CACNA1A: variants seen among roughly 807,000 people sequenced by gnomAD.
CACNA1A encodes calcium voltage-gated channel subunit alpha1 A, also known as voltage-dependent P/Q-type calcium channel subunit alpha-1A.
Under a neutral mutation model 262.4 loss-of-function variants are expected in CACNA1A, and 57 were observed. The observed-to-expected ratio is 0.22, with a 90% CI of 0.18 to 0.27. The LOEUF is 0.27. Among genes scored for constraint, CACNA1A ranks in the 10% least tolerant of loss-of-function variants. The pLI is 1.00. For missense variants in CACNA1A, 2,526 were observed against 3,562.8 expected (o/e 0.71, Z 7.41); for synonymous variants, 1,431 against 1,419.3 (o/e 1.01, Z -0.18).
chr19:13,249,376 T>C (rs571785553), intron 30 of CACNA1A, among the ~76,000 whole-genome samples: 84 of 152,150 alleles, frequency 5.5e-4, no homozygotes, highest in Non-Finnish European at 9.4e-4. Context: ...TTTATTTTGA[T>C]ACAGGGTCTT....
At chr19:13,481,121 T>G (rs920475216) in intron 1 of CACNA1A, among the ~76,000 whole-genome samples, 1 of 152,152 alleles carries the variant, frequency 6.6e-6, no homozygotes, top group Non-Finnish European at 1.5e-5. Flanking sequence ...GCTAAATTGA[T>G]GCAAGCGAGG....
rs753798870 is a variant in CACNA1A, at chr19:13,208,820, C to T, written c.6716G>A (p.Arg2239Gln). 1.2e-5 allele frequency: 19 copies of T among 1,523,830 alleles called. No homozygotes were observed. The highest frequency in any genetic ancestry group is 7.8e-5 in the Admixed American group (4 of 51,266). 94.4% of individuals were successfully genotyped at this position (1,523,830 alleles called of 1,614,324 possible). A position where few individuals can be genotyped will look rare whatever the true frequency, so the allele number is the denominator to read the frequency against. Residue 2239 changes from arginine to glutamine, a missense_variant, in exon 46 of 47, where the codon CGG becomes CAG. Around this residue, in one of 17 missense-constraint regions of CACNA1A, gnomAD observed 929 missense variants for 868.1 expected, o/e 1.07. Coordinates refer to ENST00000360228, the MANE Select transcript of CACNA1A (RefSeq NM_001127222.2). ...AQERPDHGRA[R>Q]ARDQRWSRSP... ...GCGGGACCAGCGCTGGTCCCGAGCC[C>T]GTGCCCGGCCGTGGTCCGGCCGTTC...
Position 13,207,796 on chromosome 19 carries a change from G to A in CACNA1A, c.7038C>T (p.Ala2346=). The A allele has an allele frequency of 2.1e-6, 3 of 1,403,846 alleles. No homozygotes were observed. The highest frequency in any genetic ancestry group is 2.8e-6 in the Non-Finnish European group (3 of 1,087,190). 87.0% of individuals were successfully genotyped at this position (1,403,846 alleles called of 1,614,324 possible). A position where few individuals can be genotyped will look rare whatever the true frequency, so the allele number is the denominator to read the frequency against. ...GCGGCCGATCTCCGGCCAGAGGCTC[G>A]GCCGTGGGGCCTGGGTACCTCCGAG... ...SGPRRYPGPT[A]EPLAGDRPPT... is the part of the protein sequence containing the mutation. The change falls in exon 47 of 47, where the codon GCC becomes GCT. Residue 2346 remains alanine, a synonymous_variant. Transcript: ENST00000360228. The surrounding 1 kb of genome is among the most constrained non-coding windows in gnomAD (Gnocchi z 5.7).
intron 3 of CACNA1A, among the ~76,000 whole-genome samples, chr19:13,419,954 C>T (rs1428727007): frequency 6.6e-6 from 1 of 151,662 alleles, no homozygotes; most frequent in Non-Finnish European, 1.5e-5. Flanking sequence ...GGTATGGTGG[C>T]GGACACCTGT....
At chr19:13,354,883 T>C (rs982259538) in intron 6 of CACNA1A, among the ~76,000 whole-genome samples, 1 of 117,358 alleles carries the variant, frequency 8.5e-6, no homozygotes, top group African/African-American at 3.1e-5. Flanking sequence ...TTTTTTTTTT[T>C]TTTTTTTTTG....
At chr19:13,493,580 T>G (rs1013643232) in intron 1 of CACNA1A, among the ~76,000 whole-genome samples, 2 of 152,258 alleles carry the variant, frequency 1.3e-5, no homozygotes, top group Non-Finnish European at 2.9e-5. Context: ...CTCTGTTCCT[T>G]GTCATCAACA....
intron 3 of CACNA1A, among the ~76,000 whole-genome samples, chr19:13,422,099 C>A (rs923533447): frequency 5.9e-5 from 9 of 152,086 alleles, no homozygotes; most frequent in African/African-American, 2.2e-4. Flanking sequence ...GATGGGAGGA[C>A]TGCTTGAGCC....
chr19:13,482,173 C>T (rs1219872125), intron 1 of CACNA1A, among the ~76,000 whole-genome samples: 2 of 152,148 alleles, frequency 1.3e-5, no homozygotes, highest in African/African-American at 4.8e-5. Context: ...ACCACCACTG[C>T]TACCACCAAT....
At chr19:13,357,848 T>C (rs889853414) in intron 6 of CACNA1A, among the ~76,000 whole-genome samples, 1 of 151,728 alleles carries the variant, frequency 6.6e-6, no homozygotes, top group African/African-American at 2.4e-5. Flanking sequence ...TATAAAATTG[T>C]TCTTAAAAAT....
In CACNA1A at chr19:13,207,787, C is replaced by T; in HGVS notation, c.7047G>A (p.Leu2349=). 7.2e-7 allele frequency: 1 copy of T among 1,395,628 alleles called. No individual in the cohort carries two copies. The highest frequency in any genetic ancestry group is 1.6e-5 in the South Asian group (1 of 62,392). The allele number at this position is 1,395,628 out of a possible 1,614,324, so 86.5% of individuals were successfully genotyped here. A position where few individuals can be genotyped will look rare whatever the true frequency, so the allele number is the denominator to read the frequency against. The change falls in exon 47 of 47, where the codon CTG becomes CTA. Residue 2349 remains leucine, a synonymous_variant. Transcript: ENST00000360228. This position sits in a 1 kb window ranked among gnomAD's most constrained non-coding sequence, Gnocchi z 5.7. ...CCCCCGTGGGCGGCCGATCTCCGGC[C>T]AGAGGCTCGGCCGTGGGGCCTGGGT... ...RRYPGPTAEP[L]AGDRPPTGGH...
At position 13,234,955 on chromosome 19, in the gene CACNA1A, G is replaced by A. The variant is rs2144646626; in HGVS notation, c.5215C>T (p.Arg1739Trp). 6.2e-7 allele frequency: 1 copy of A among 1,613,718 alleles called. No individual in the cohort carries two copies. Among genetic ancestry groups the A allele is most frequent in the Non-Finnish European group, 8.5e-7 (1 of 1,179,632 alleles). The change falls in exon 34 of 47, where the codon CGG (arginine) becomes TGG (tryptophan). Residue 1739 changes from arginine to tryptophan, a missense_variant. Arg to Trp is a moderately radical substitution (Grantham distance 101). Transcript: ENST00000360228. ...AGCATGAGGGCCTGGAAGAAGGTCC[G>A]GAAGTTATTGTGCTCAGTGATTTGG... ...EFQITEHNNF[R>W]TFFQALMLLF...
intron 24 of CACNA1A, chr19:13,263,080 T>C (rs771499288): frequency 7.9e-6 from 4 of 504,582 alleles, no homozygotes; most frequent in Non-Finnish European, 1.4e-5. Context: ...CCCTTTGCCA[T>C]CTGGCTGGGC....
intron 1 of CACNA1A, among the ~76,000 whole-genome samples, chr19:13,483,486 C>T (rs560611305): frequency 2.0e-5 from 3 of 152,316 alleles, no homozygotes; most frequent in African/African-American, 7.2e-5. Flanking sequence ...TCTCCACCTC[C>T]CATTTCCCCA....
intron 22 of CACNA1A, among the ~76,000 whole-genome samples, chr19:13,280,182 T>C (rs2057255619): frequency 6.7e-6 from 1 of 148,550 alleles, no homozygotes; most frequent in South Asian, 2.2e-4. Flanking sequence ...CCTGGAGGAA[T>C]TCTTATTTAT....
chr19:13,232,777 A>G (rs2055715971), intron 34 of CACNA1A, among the ~76,000 whole-genome samples: 1 of 140,924 alleles, frequency 7.1e-6, no homozygotes, highest in Non-Finnish European at 1.5e-5. Context: ...GGCCGGGTGC[A>G]GTGGCTCATG....
At chr19:13,229,737 T>C (rs2055596408) in intron 36 of CACNA1A, 1 of 189,874 alleles carries the variant, frequency 5.3e-6, no homozygotes, top group South Asian at 1.7e-4. Flanking sequence ...ATGCTGTTGG[T>C]TTTCTCCCTG....
chr19:13,321,680 A>G (rs1381902922), intron 10 of CACNA1A, among the ~76,000 whole-genome samples: 1 of 151,288 alleles, frequency 6.6e-6, no homozygotes, highest in Non-Finnish European at 1.5e-5. Flanking sequence ...ATATCTAAAC[A>G]TAGAAAAGGT....
rs775890060 is a variant in CACNA1A at position 13,230,066 on chromosome 19, C to T, written c.5528+16G>A. 2.2e-5 allele frequency: 35 copies of T among 1,610,532 alleles called. No individual in the cohort carries two copies. The highest frequency in any genetic ancestry group is 3.3e-5 in the Admixed American group (2 of 59,824). ...AGGTGAGTATTGTGGCTGGAGGATT[C>T]GGGGTGACTTCTTACCAAGCTGCGG... On this transcript the variant is annotated intron_variant, in intron 36 of 46. Transcript: ENST00000360228.
chr19:13,479,136 C>T (rs910314960), intron 1 of CACNA1A, among the ~76,000 whole-genome samples: 3 of 152,152 alleles, frequency 2.0e-5, no homozygotes, highest in Admixed American at 6.5e-5. Flanking sequence ...ATCGTGCCAC[C>T]ACACTCCAGC....
Sources: allele counts gnomAD v4.1 joint callset (sites outside exome capture counted in the v4.1 genomes callset), GRCh38; gene constraint gnomAD v4.1.1; regional missense constraint gnomAD v4.1.1; non-coding constraint Gnocchi (gnomAD v3.1); transcripts MANE v1.5; gene names NCBI Gene and HGNC (gene_info 2026-07-23, HGNC 2026-07-21).